The following ANKIB1 variants were observed in gnomAD, a reference collection of about 807,000 sequenced individuals.
ANKIB1 encodes ankyrin repeat and IBR domain-containing protein 1.
ANKIB1 carries 43 observed loss-of-function variants against 122.1 expected under a neutral mutation model. The observed-to-expected ratio is 0.35, with a 90% CI of 0.28 to 0.45. The LOEUF is 0.45. ANKIB1 is among the 20% of genes least tolerant of loss of function. The pLI, the probability that ANKIB1 is intolerant of heterozygous loss-of-function variation, is 1.00. For missense variants in ANKIB1, 992 were observed against 1,329.5 expected, an observed-to-expected ratio of 0.75 and a Z score of 3.95; for synonymous variants, 390 against 442.0, an observed-to-expected ratio of 0.88 and a Z score of 1.48.
chr7:92,371,950 GGTGTGTGTGT>G (rs55936298), intron 11 of ANKIB1, among the ~76,000 whole-genome samples: 23,503 of 117,992 alleles, frequency 0.2, 2,646 homozygotes, highest in Non-Finnish European at 0.26. Flanking sequence ...TTGAGAGAGG[GGTGTGTGTGT>G]GTGTGTGTGT....
chr7:92,320,667 A>C (rs149652847), intron 4 of ANKIB1, among the ~76,000 whole-genome samples: 30 of 152,186 alleles, frequency 2.0e-4, no homozygotes, highest in African/African-American at 6.0e-4. Flanking sequence ...TGTTCTTCCT[A>C]ACCTGTACTC....
intron 10 of ANKIB1, among the ~76,000 whole-genome samples, chr7:92,370,096 G>A (rs555097381): frequency 1.3e-5 from 2 of 152,242 alleles, no homozygotes; most frequent in South Asian, 2.1e-4. Flanking sequence ...CTTTGCAAAA[G>A]CAATTGGATT....
At chr7:92,387,733 C>A in intron 12 of ANKIB1, 65 bp from the exon 13 acceptor site, 2 of 1,232,820 alleles carry the variant, frequency 1.6e-6, no homozygotes, top group Non-Finnish European at 2.3e-6. Context: ...AAATGATTCC[C>A]CCAAAAAACT....
intron 5 of ANKIB1, among the ~76,000 whole-genome samples, chr7:92,331,653 G>A (rs1460650114): frequency 2.6e-5 from 4 of 152,136 alleles, no homozygotes; most frequent in Admixed American, 1.3e-4. Context: ...AAAGAGAAAA[G>A]AGCCTGAAGG....
chr7:92,307,737 T>TTG, intron 3 of ANKIB1, 81 bp downstream of exon 3: 1 of 1,147,338 alleles, frequency 8.7e-7, no homozygotes, highest in Non-Finnish European at 1.1e-6. Context: ...TTTTTTTTTT[T>TTG]GATTGTCTTA....
At chr7:92,262,412 A>G (rs1284143123) in intron 1 of ANKIB1, among the ~76,000 whole-genome samples, 1 of 152,224 alleles carries the variant, frequency 6.6e-6, no homozygotes, top group Admixed American at 6.5e-5. Flanking sequence ...GATAAACACA[A>G]CTTTACCCAA....
At chr7:92,305,107 A>G (rs893692162) in intron 2 of ANKIB1, among the ~76,000 whole-genome samples, 11 of 152,216 alleles carry the variant, frequency 7.2e-5, no homozygotes, top group African/African-American at 2.4e-4. Flanking sequence ...TTTCTGTTCA[A>G]AGTAACACTG....
intron 8 of ANKIB1, among the ~76,000 whole-genome samples, chr7:92,351,983 A>G (rs1229180885): frequency 1.3e-5 from 2 of 151,960 alleles, no homozygotes; most frequent in African/African-American, 4.8e-5. Context: ...AGCCTCCCAA[A>G]GTGCTAGGAT....
intron 3 of ANKIB1, among the ~76,000 whole-genome samples, chr7:92,309,048 T>C (rs979902251): frequency 2.0e-5 from 3 of 152,214 alleles, no homozygotes; most frequent in African/African-American, 4.8e-5. Context: ...CCATCACTTA[T>C]ATTATTTCTT....
intron 15 of ANKIB1, among the ~76,000 whole-genome samples, chr7:92,390,790 A>G (rs551774865): frequency 1.2e-4 from 18 of 152,310 alleles, no homozygotes; most frequent in African/African-American, 4.3e-4. Flanking sequence ...AGTCTGCACT[A>G]TGGCATCATG....
rs369865652 is a variant in ANKIB1, at chr7:92,327,918, T to C, written c.787+18T>C. ...AGCTCATGGTAATGAAAGAAATGTC[T>C]TATGCTTCTAAGAACATGAGTAACT... On this transcript the variant is annotated intron_variant, in intron 5 of 19. Transcript: ENST00000265742. The C allele has an allele frequency of 1.4e-5, 21 of 1,500,878 alleles. No homozygotes were observed. The highest frequency in any genetic ancestry group is 8.4e-5 in the African/African-American group (6 of 71,258). The allele number at this position is 1,500,878 out of a possible 1,614,324, so 93.0% of individuals were successfully genotyped here. A position where few individuals can be genotyped will look rare whatever the true frequency, so the allele number is the denominator to read the frequency against.
chr7:92,270,062 T>A (rs1014643323), intron 1 of ANKIB1, among the ~76,000 whole-genome samples: 4 of 151,806 alleles, frequency 2.6e-5, no homozygotes, highest in East Asian at 3.9e-4. Flanking sequence ...TCTGGTCTTT[T>A]AAAAAAAATT....
chr7:92,391,483 C>T, intron 16 of ANKIB1, 139 bp downstream of exon 16: 1 of 768,176 alleles, frequency 1.3e-6, no homozygotes, highest in Non-Finnish European at 1.8e-6. Flanking sequence ...AGTATGTTGA[C>T]TTTTTTTGGT....
chr7:92,349,643 TAAG>T (rs1236494078), intron 7 of ANKIB1, among the ~76,000 whole-genome samples: 1 of 152,204 alleles, frequency 6.6e-6, no homozygotes, highest in Non-Finnish European at 1.5e-5. Flanking sequence ...CTTGCTTTTC[TAAG>T]GGCAGTACTA....
At chr7:92,261,239 C>T (rs1026181457) in intron 1 of ANKIB1, among the ~76,000 whole-genome samples, 22 of 150,994 alleles carry the variant, frequency 1.5e-4, no homozygotes, top group African/African-American at 4.9e-4. Context: ...GTCCCAGCTA[C>T]TCGGGAGGCT....
intron 2 of ANKIB1, among the ~76,000 whole-genome samples, chr7:92,302,867 T>C (rs756041746): frequency 6.6e-6 from 1 of 152,228 alleles, no homozygotes; most frequent in Admixed American, 6.5e-5. Flanking sequence ...GCAGGGACTT[T>C]ATCTGTTTTC....
intron 2 of ANKIB1, among the ~76,000 whole-genome samples, chr7:92,299,671 G>A (rs1002920916): frequency 4.6e-5 from 7 of 151,968 alleles, no homozygotes; most frequent in Non-Finnish European, 1.0e-4. Flanking sequence ...TTGTAAACAT[G>A]GAAAAACAAT....
chr7:92,303,564 C>T (rs543020294), intron 2 of ANKIB1, among the ~76,000 whole-genome samples: 5 of 152,132 alleles, frequency 3.3e-5, no homozygotes, highest in African/African-American at 9.6e-5. Flanking sequence ...TGGAGAAAAA[C>T]ATGGGGGTCA....
intron 9 of ANKIB1, among the ~76,000 whole-genome samples, chr7:92,357,340 C>A (rs1433047539): frequency 1.3e-5 from 2 of 152,050 alleles, no homozygotes; most frequent in African/African-American, 4.8e-5. Context: ...CTGAGATTCC[C>A]CTCCCCATAC....
Sources: gnomAD v4.1 joint callset for allele counts (sites outside exome capture counted in the v4.1 genomes callset) on GRCh38, gnomAD v4.1.1 for gene constraint, MANE v1.5 for transcripts, NCBI Gene and HGNC (gene_info 2026-07-23, HGNC 2026-07-21) for gene names.